PTPRD: variants seen among roughly 807,000 people sequenced by gnomAD.
PTPRD encodes receptor-type tyrosine-protein phosphatase delta.
A neutral mutation model predicts 214.5 loss-of-function variants in PTPRD; 34 were observed. The observed-to-expected ratio is 0.16, with a 90% CI of 0.12 to 0.21. PTPRD has a LOEUF of 0.21. PTPRD is among the 10% of genes least tolerant of loss of function. The pLI, the probability that PTPRD is intolerant of heterozygous loss-of-function variation, is 1.00. For missense variants in PTPRD, 2,545 were observed against 2,398.7 expected (o/e 1.06, Z -1.27); for synonymous variants, 1,128 against 845.7 (o/e 1.33, Z -5.79).
chr9:10,158,629 G>T (rs1248236521), intron 3 of PTPRD, among the ~76,000 whole-genome samples: 2 of 152,080 alleles, frequency 1.3e-5, no homozygotes, highest in African/African-American at 4.8e-5. Context: ...TCCCTGGGCT[G>T]CAGATAAATA....
chr9:10,240,891 C>T (rs759213069), intron 3 of PTPRD, among the ~76,000 whole-genome samples: 1 of 151,628 alleles, frequency 6.6e-6, no homozygotes, highest in African/African-American at 2.4e-5. Flanking sequence ...AAAACCTAAA[C>T]CTTTTGCTCA....
intron 14 of PTPRD, among the ~76,000 whole-genome samples, chr9:8,581,580 CT>C: frequency 6.6e-6 from 1 of 151,600 alleles, no homozygotes; most frequent in Admixed American, 6.6e-5. Flanking sequence ...AACCCCATCT[CT>C]ACTAAAAATA....
At chr9:8,370,956 A>T (rs1172974958) in intron 39 of PTPRD, among the ~76,000 whole-genome samples, 1 of 152,116 alleles carries the variant, frequency 6.6e-6, no homozygotes, top group East Asian at 1.9e-4. Context: ...ACGGGAAGCG[A>T]AAAGCAGTAA....
chr9:9,535,435 G>C (rs1450925942), intron 8 of PTPRD, among the ~76,000 whole-genome samples: 1 of 152,082 alleles, frequency 6.6e-6, no homozygotes, highest in Non-Finnish European at 1.5e-5. Flanking sequence ...TTGAATGTTA[G>C]TTTGGTGTTT....
chr9:9,357,735 T>C (rs1288340864), intron 9 of PTPRD, among the ~76,000 whole-genome samples: 1 of 150,868 alleles, frequency 6.6e-6, no homozygotes, highest in Non-Finnish European at 1.5e-5. Context: ...AATGACACAG[T>C]TAAGAGGGCA....
At chr9:8,694,090 C>T (rs879697364) in intron 12 of PTPRD, among the ~76,000 whole-genome samples, 1 of 152,014 alleles carries the variant, frequency 6.6e-6, no homozygotes, top group Non-Finnish European at 1.5e-5. Flanking sequence ...GAATATCTTA[C>T]CTAGATGTGA....
chr9:9,461,413 C>T (rs1248688915), intron 8 of PTPRD, among the ~76,000 whole-genome samples: 1 of 151,886 alleles, frequency 6.6e-6, no homozygotes, highest in East Asian at 1.9e-4. Flanking sequence ...AAATTAATGT[C>T]CCCAAATCAG....
rs1300845512 is a variant in PTPRD, at chr9:9,491,494, T to G, written c.-237+83238A>C. Among the ~76,000 whole-genome samples the G allele has an allele frequency of 2.0e-5, 3 of 151,620 alleles. No individual in the cohort carries two copies. The South Asian group carries it at 6.3e-4, about 32-fold the overall frequency. On this transcript the variant is annotated intron_variant, in intron 8 of 45. Transcript: ENST00000381196. Reference sequence around the variant, plus strand: ...CCCAAAAACAACAGCATAAACTTTCTTCTCAAGAGCATATGAGACATTTTT... The same window carrying G: ...CCCAAAAACAACAGCATAAACTTTCGTCTCAAGAGCATATGAGACATTTTT...
chr9:10,336,095 C>T (rs1208396492), intron 3 of PTPRD, among the ~76,000 whole-genome samples: 1 of 151,694 alleles, frequency 6.6e-6, no homozygotes, highest in Non-Finnish European at 1.5e-5. Context: ...TTGGTATTTA[C>T]CCCACGGAGC....
At chr9:9,080,169 A>G (rs1192482106) in intron 10 of PTPRD, among the ~76,000 whole-genome samples, 1 of 152,048 alleles carries the variant, frequency 6.6e-6, no homozygotes, top group African/African-American at 2.4e-5. Flanking sequence ...TACATCTCCC[A>G]TGTTAAAAAT....
intron 4 of PTPRD, among the ~76,000 whole-genome samples, chr9:9,999,279 C>G (rs759476103): frequency 1.6e-4 from 25 of 152,130 alleles, no homozygotes; most frequent in Non-Finnish European, 3.4e-4. Flanking sequence ...AGGGAGCAAC[C>G]CCTGAAAGCC....
In PTPRD at chr9:8,499,746, A is replaced by C; in HGVS notation, c.2223T>G (p.His741Gln). ...SWRSPVPNKQHGQIRGYQVHY... is the reference protein window; with the variant it reads ...SWRSPVPNKQQGQIRGYQVHY... ...GCACCTGATATCCTCTTATCTGGCC[A>C]TGCTGTTTATTGGGCACGGGTGAGC... Residue 741 changes from histidine (H) to glutamine (Q), a missense_variant, in exon 25 of 46, where the codon CAT becomes CAG. By Grantham distance (24) the His-to-Gln change is conservative (BLOSUM62 0). Coordinates refer to ENST00000381196, the MANE Select transcript of PTPRD (RefSeq NM_002839.4). The C allele has an allele frequency of 6.2e-7, 1 of 1,614,136 alleles. No homozygotes were observed. Among genetic ancestry groups the C allele is most frequent in the Non-Finnish European group, 8.5e-7 (1 of 1,179,996 alleles).
intron 3 of PTPRD, among the ~76,000 whole-genome samples, chr9:10,336,716 C>A (rs531729186): frequency 6.6e-6 from 1 of 150,976 alleles, no homozygotes; most frequent in Non-Finnish European, 1.5e-5. Flanking sequence ...ACAAAAAAGT[C>A]GACAAATAAC....
At chr9:10,426,508 A>G (rs1021593871) in intron 2 of PTPRD, among the ~76,000 whole-genome samples, 1 of 152,016 alleles carries the variant, frequency 6.6e-6, no homozygotes, top group Admixed American at 6.6e-5. Flanking sequence ...ACTTGTAATC[A>G]TGGCTTTGTT....
At chr9:8,846,298 C>T (rs1161025824) in intron 11 of PTPRD, among the ~76,000 whole-genome samples, 1 of 152,082 alleles carries the variant, frequency 6.6e-6, no homozygotes, top group East Asian at 1.9e-4. Flanking sequence ...TTTCTGGGCA[C>T]ACTAATTTGT....
At chr9:8,338,145 C>G (rs1341069427) in intron 43 of PTPRD, among the ~76,000 whole-genome samples, 2 of 152,034 alleles carry the variant, frequency 1.3e-5, no homozygotes, top group Admixed American at 6.6e-5. Context: ...TAGCTTTACC[C>G]TGGAGTTTTA....
chr9:10,507,826 G>A (rs1277010147), intron 2 of PTPRD, among the ~76,000 whole-genome samples: 1 of 152,098 alleles, frequency 6.6e-6, no homozygotes, highest in Admixed American at 6.5e-5. Context: ...TTAAATGTTA[G>A]ACCTAAAACC....
chr9:8,356,171 T>C (rs2076951335), intron 39 of PTPRD, among the ~76,000 whole-genome samples: 1 of 152,172 alleles, frequency 6.6e-6, no homozygotes. Context: ...TGGAATTATC[T>C]TGTAATAAAA....
chr9:8,340,762 C>CACTT (rs1265054108), intron 41 of PTPRD, among the ~76,000 whole-genome samples: 1 of 152,058 alleles, frequency 6.6e-6, no homozygotes, highest in African/African-American at 2.4e-5. Context: ...ACTTAAGAAA[C>CACTT]ACTTAGATGT....
Sources: gnomAD v4.1 joint callset for allele counts (sites outside exome capture counted in the v4.1 genomes callset) on GRCh38, gnomAD v4.1.1 for gene constraint, MANE v1.5 for transcripts, NCBI Gene and HGNC (gene_info 2026-07-23, HGNC 2026-07-21) for gene names.